Variants in PPARGC1A observed in about 807,000 individuals in gnomAD.
PPARGC1A encodes the protein peroxisome proliferator-activated receptor gamma coactivator 1-alpha.
Under a neutral mutation model 88.7 loss-of-function variants are expected in PPARGC1A, and 25 were observed. That is an observed-to-expected ratio of 0.28 (90% CI 0.21 to 0.39). The LOEUF is 0.39. PPARGC1A is among the 10% of genes least tolerant of loss of function. The probability of loss-of-function intolerance (pLI) is 1.00; values close to 1 mark genes in which losing one functional copy is unlikely to be tolerated. For synonymous variants in PPARGC1A, 363 were observed against 355.6 expected, an observed-to-expected ratio of 1.02 and a Z score of -0.24; for missense variants, 880 against 968.7, an observed-to-expected ratio of 0.91 and a Z score of 1.22.
the PPARGC1A span, among the ~76,000 whole-genome samples, chr4:24,276,254 C>G: frequency 6.6e-6 from 1 of 152,176 alleles, no homozygotes; most frequent in Non-Finnish European, 1.5e-5. Flanking sequence ...ATGATTATAG[C>G]TTGGGGAGGA....
the PPARGC1A span, among the ~76,000 whole-genome samples, chr4:24,250,639 T>C: frequency 6.6e-6 from 1 of 151,892 alleles, no homozygotes; most frequent in African/African-American, 2.4e-5. Flanking sequence ...GGAGAAGGGA[T>C]GGAGAAAGAG....
At chr4:24,459,728 C>A in the PPARGC1A span, among the ~76,000 whole-genome samples, 1 of 152,304 alleles carries the variant, frequency 6.6e-6, no homozygotes, top group African/African-American at 2.4e-5. Context: ...GAGATTCAAT[C>A]TGCAGTTAGC....
chr4:24,296,165 A>G, the PPARGC1A span, among the ~76,000 whole-genome samples: 2 of 150,188 alleles, frequency 1.3e-5, no homozygotes, highest in Non-Finnish European at 3.0e-5. Context: ...CTTCCCAACT[A>G]TATTTATATG....
At chr4:24,337,693 G>GAA in the PPARGC1A span, among the ~76,000 whole-genome samples, 1 of 127,342 alleles carries the variant, frequency 7.9e-6, no homozygotes, top group Non-Finnish European at 1.7e-5. Context: ...TTTTACAAAT[G>GAA]AAAAAAAAAA....
chr4:24,406,708 T>G, the PPARGC1A span, among the ~76,000 whole-genome samples: 12 of 152,064 alleles, frequency 7.9e-5, no homozygotes, highest in Non-Finnish European at 1.5e-4. Flanking sequence ...AAATGTTGAG[T>G]CTTCTACTGA....
chr4:24,459,011 T>C, the PPARGC1A span, among the ~76,000 whole-genome samples: 3 of 152,164 alleles, frequency 2.0e-5, no homozygotes, highest in Non-Finnish European at 4.4e-5. Context: ...TTTCTTCTTT[T>C]TTCAACTTTT....
At chr4:23,900,808 C>T (rs949934728), upstream of PPARGC1A, among the ~76,000 whole-genome samples, 5 of 152,228 alleles carry the variant, frequency 3.3e-5, no homozygotes, top group Admixed American at 6.5e-5. Context: ...TCATACCAGT[C>T]CCGAGCTGGC....
chr4:24,078,875 A>G, the PPARGC1A span, among the ~76,000 whole-genome samples: 1 of 152,172 alleles, frequency 6.6e-6, no homozygotes, highest in Admixed American at 6.6e-5. Flanking sequence ...GATTTCAGGT[A>G]CCATATTTAA....
At chr4:24,227,882 G>A in the PPARGC1A span, among the ~76,000 whole-genome samples, 1 of 152,238 alleles carries the variant, frequency 6.6e-6, no homozygotes, top group Non-Finnish European at 1.5e-5. Context: ...TAACTTACAG[G>A]ATTGCCTAGT....
the PPARGC1A span, among the ~76,000 whole-genome samples, chr4:24,044,031 T>C: frequency 1.3e-5 from 2 of 152,142 alleles, no homozygotes; most frequent in African/African-American, 4.8e-5. Context: ...GGAAATGCCA[T>C]AAGTGTACGC....
chr4:23,973,954 T>C, the PPARGC1A span, among the ~76,000 whole-genome samples: 34,292 of 151,318 alleles, frequency 0.23, 4,470 homozygotes, highest in Admixed American at 0.36. Flanking sequence ...TAAAAAATAA[T>C]AAAAAATAAA....
intron 10 of PPARGC1A, among the ~76,000 whole-genome samples, chr4:23,802,601 C>T (rs1718996140): frequency 7.0e-6 from 1 of 141,916 alleles, no homozygotes; most frequent in Non-Finnish European, 1.5e-5. Context: ...TGCTTGAACC[C>T]GGGAGGCAGA....
the PPARGC1A span, among the ~76,000 whole-genome samples, chr4:24,201,678 T>C: frequency 6.3e-4 from 96 of 152,274 alleles, 1 homozygote; most frequent in African/African-American, 2.2e-3. Context: ...CCTTATGAAA[T>C]AGAAAAACAA....
the PPARGC1A span, among the ~76,000 whole-genome samples, chr4:24,174,101 T>A: frequency 0.016 from 2,421 of 152,316 alleles, 75 homozygotes; most frequent in East Asian, 0.1. Flanking sequence ...AGAGGACACA[T>A]CTGCACCTCA....
chr4:23,940,144 T>C, the PPARGC1A span, among the ~76,000 whole-genome samples: 1 of 152,334 alleles, frequency 6.6e-6, no homozygotes, highest in South Asian at 2.1e-4. Flanking sequence ...CAATAATTAA[T>C]TTACCAAACA....
At chr4:24,294,056 T>A in the PPARGC1A span, among the ~76,000 whole-genome samples, 1 of 152,170 alleles carries the variant, frequency 6.6e-6, no homozygotes, top group Non-Finnish European at 1.5e-5. Flanking sequence ...GAGAGCTCAA[T>A]AACTTGTCCC....
At chr4:24,298,927 T>C in the PPARGC1A span, among the ~76,000 whole-genome samples, 1 of 152,220 alleles carries the variant, frequency 6.6e-6, no homozygotes, top group African/African-American at 2.4e-5. Context: ...GTTTAATAAA[T>C]GTGCTTACTA....
At chr4:24,341,542 G>C in the PPARGC1A span, among the ~76,000 whole-genome samples, 4 of 152,128 alleles carry the variant, frequency 2.6e-5, no homozygotes, top group Non-Finnish European at 5.9e-5. Context: ...CAAATGTTTT[G>C]AGTAAAAGTT....
At chr4:24,371,786 CA>C in the PPARGC1A span, among the ~76,000 whole-genome samples, 384 of 131,994 alleles carry the variant, frequency 2.9e-3, no homozygotes, top group African/African-American at 4.6e-3. Context: ...ACAAAAAATA[CA>C]AAAAAAAAAA....
Sources: gnomAD v4.1 joint callset for allele counts (sites outside exome capture counted in the v4.1 genomes callset) on GRCh38, gnomAD v4.1.1 for gene constraint, MANE v1.5 for transcripts, NCBI Gene and HGNC (gene_info 2026-07-23, HGNC 2026-07-21) for gene names.